PTPRT: variants seen among roughly 807,000 people sequenced by gnomAD.
PTPRT encodes protein tyrosine phosphatase receptor type T, also known as receptor-type tyrosine-protein phosphatase T.
In PTPRT, 56 loss-of-function variants were observed where a neutral mutation model predicts 176.8. The ratio of observed to expected loss-of-function variants is 0.32; its 90% CI spans 0.26 to 0.40. The LOEUF (loss-of-function observed/expected upper bound fraction) is 0.40. Among genes scored for constraint, PTPRT ranks in the 10% least tolerant of loss-of-function variants. The pLI, the probability that PTPRT is intolerant of heterozygous loss-of-function variation, is 1.00. For missense variants in PTPRT, 1,540 were observed against 1,908.2 expected (o/e 0.81, Z 3.60); for synonymous variants, 783 against 739.0 (o/e 1.06, Z -0.96).
At position 42,922,797 on chromosome 20, in the gene PTPRT, G is replaced by T. The variant is rs12625584; in HGVS notation, c.89-36865C>A. On this transcript the variant is annotated intron_variant, in intron 1 of 30. Coordinates refer to ENST00000373187, the MANE Select transcript of PTPRT (RefSeq NM_007050.6). ...TAGATTAGCTGAGGGTCACTCAAACGCACTGTAGTCTGTAATGCCCTTCAT... is the reference window on the plus strand; with the variant it reads ...TAGATTAGCTGAGGGTCACTCAAACTCACTGTAGTCTGTAATGCCCTTCAT... Among the ~76,000 whole-genome samples, 187 of 152,170 alleles carry T rather than the reference G, an allele frequency of 1.2e-3. 2 individuals carry two copies. In the East Asian group the frequency reaches 0.033, roughly 27 times the overall value.
intron 7 of PTPRT, among the ~76,000 whole-genome samples, chr20:42,662,565 C>T (rs2075242531): frequency 6.6e-6 from 1 of 152,072 alleles, no homozygotes; most frequent in Non-Finnish European, 1.5e-5. Flanking sequence ...ATATTAATGA[C>T]CTGTATTTCT....
At chr20:42,391,458 C>A (rs115318253) in intron 9 of PTPRT, among the ~76,000 whole-genome samples, 1 of 152,068 alleles carries the variant, frequency 6.6e-6, no homozygotes, top group East Asian at 1.9e-4. Flanking sequence ...AATGTCCTGG[C>A]GGCCAAACTT....
intron 12 of PTPRT, among the ~76,000 whole-genome samples, chr20:42,297,361 A>C (rs2057402280): frequency 6.6e-6 from 1 of 152,214 alleles, no homozygotes; most frequent in Non-Finnish European, 1.5e-5. Context: ...TGTATAAAGA[A>C]AACTTTACAG....
intron 1 of PTPRT, among the ~76,000 whole-genome samples, chr20:42,994,029 A>G (rs1441280944): frequency 6.6e-6 from 1 of 152,148 alleles, no homozygotes; most frequent in Admixed American, 6.5e-5. Context: ...AAGTAACGGG[A>G]ATAGTAGAAA....
intron 7 of PTPRT, among the ~76,000 whole-genome samples, chr20:42,506,836 C>T (rs189546001): frequency 2.6e-5 from 4 of 152,272 alleles, no homozygotes; most frequent in Admixed American, 2.6e-4. Flanking sequence ...CTGGGATCCT[C>T]AGTGAGTCTA....
At chr20:43,070,575 C>T (rs1464674004) in intron 1 of PTPRT, among the ~76,000 whole-genome samples, 1 of 152,124 alleles carries the variant, frequency 6.6e-6, no homozygotes, top group African/African-American at 2.4e-5. Context: ...GGAACCAATC[C>T]AAATGTCCAT....
At chr20:42,040,118 G>A in the PTPRT span, among the ~76,000 whole-genome samples, 1 of 151,598 alleles carries the variant, frequency 6.6e-6, no homozygotes, top group Admixed American at 6.6e-5. Context: ...CTCTTGTCTT[G>A]TTGCTAATAT....
At position 42,074,766 on chromosome 20, in the gene PTPRT, T is replaced by G. The variant is rs2146052091; in HGVS notation, c.*6113A>C. 1 of 398,624 alleles carries G rather than the reference T, an allele frequency of 2.5e-6. No individual in the cohort carries two copies. Among genetic ancestry groups the G allele is most frequent in the South Asian group, 1.3e-4 (1 of 7,850 alleles). 24.7% of individuals were successfully genotyped at this position (398,624 alleles called of 1,614,324 possible). On this transcript the variant is annotated 3_prime_UTR_variant, in exon 31 of 31. Transcript: ENST00000373187. ...ATTTCAGTTGGTGAATGCCCTTTGA[T>G]GACCTTTTCCCATCTCTTCTGGAGG...
intron 7 of PTPRT, among the ~76,000 whole-genome samples, chr20:42,545,909 T>C (rs2072665431): frequency 6.6e-6 from 1 of 152,222 alleles, no homozygotes; most frequent in Admixed American, 6.5e-5. Flanking sequence ...GTTTTAGATA[T>C]TGTTTATATC....
At chr20:43,115,581 A>G (rs1369851671) in intron 1 of PTPRT, among the ~76,000 whole-genome samples, 1 of 152,188 alleles carries the variant, frequency 6.6e-6, no homozygotes, top group Non-Finnish European at 1.5e-5. Context: ...GGAAGAGAAA[A>G]GTATTACCAG....
intron 7 of PTPRT, among the ~76,000 whole-genome samples, chr20:42,567,853 A>G (rs966436527): frequency 6.6e-6 from 1 of 152,176 alleles, no homozygotes; most frequent in African/African-American, 2.4e-5. Flanking sequence ...ACTTGGTCTC[A>G]TGATTCTGAC....
At position 42,448,237 on chromosome 20, in the gene PTPRT, C is replaced by G. The variant is rs767966403; in HGVS notation, c.1543G>C (p.Val515Leu). The change falls in exon 9 of 31, where the codon GTC becomes CTC. Residue 515 changes from valine to leucine, a missense_variant. Val to Leu is a conservative substitution (Grantham distance 32). Coordinates refer to ENST00000373187, the MANE Select transcript of PTPRT (RefSeq NM_007050.6). The stretch of plus-strand genomic sequence containing the variant: ...CTCCTTACCTCGTAGAGCGTGATGA[C>G]CCCATTGGTCTCATTGGGAGGTTTC... ...QWKPPNETNGVITLYEINYKA... is the reference protein window; with the variant it reads ...QWKPPNETNGLITLYEINYKA... 6.2e-7 allele frequency: 1 copy of G among 1,610,440 alleles called. No individual in the cohort carries two copies. The highest frequency in any genetic ancestry group is 1.3e-5 in the African/African-American group (1 of 74,830).
chr20:42,515,677 T>G (rs561688212), intron 7 of PTPRT, among the ~76,000 whole-genome samples: 48 of 152,322 alleles, frequency 3.2e-4, no homozygotes, highest in Middle Eastern at 3.4e-3. Flanking sequence ...TACAGTTTTT[T>G]AAATTTTCAA....
chr20:43,056,828 C>T (rs1468970275), intron 1 of PTPRT, among the ~76,000 whole-genome samples: 1 of 152,106 alleles, frequency 6.6e-6, no homozygotes, highest in Non-Finnish European at 1.5e-5. Flanking sequence ...TTAATTGTTC[C>T]AGGTTTCTGA....
chr20:43,119,213 T>C (rs2013166991), intron 1 of PTPRT, among the ~76,000 whole-genome samples: 1 of 152,212 alleles, frequency 6.6e-6, no homozygotes, highest in Non-Finnish European at 1.5e-5. Context: ...TTATATTAAA[T>C]GTATAAAAAG....
At chr20:43,070,969 A>T (rs1285820252) in intron 1 of PTPRT, among the ~76,000 whole-genome samples, 12 of 45,782 alleles carry the variant, frequency 2.6e-4, no homozygotes, top group African/African-American at 5.9e-4. Flanking sequence ...AAGTATAATT[A>T]AAAAAAAAAA....
chr20:42,908,117 C>T (rs952382675), intron 1 of PTPRT, among the ~76,000 whole-genome samples: 7 of 152,080 alleles, frequency 4.6e-5, no homozygotes, highest in African/African-American at 1.7e-4. Flanking sequence ...AGAAGCAAAG[C>T]TCACATCCCA....
Position 42,315,710 on chromosome 20 carries a change from TG to T in PTPRT, c.2139+12del. On this transcript the variant is annotated intron_variant, in intron 12 of 30. Transcript: ENST00000373187. ...AACAAGGCAAGGAATGGCCTCCATG[TG>T]GCCATACTTACTCCATTGGCTTTGC... The T allele has an allele frequency of 6.2e-7, 1 of 1,608,762 alleles. No individual in the cohort carries two copies. Among genetic ancestry groups the T allele is most frequent in the Non-Finnish European group, 8.5e-7 (1 of 1,175,454 alleles).
At chr20:42,876,241 T>C (rs759885225) in intron 2 of PTPRT, among the ~76,000 whole-genome samples, 5 of 152,282 alleles carry the variant, frequency 3.3e-5, no homozygotes, top group Non-Finnish European at 5.9e-5. Flanking sequence ...AATTGCTAAA[T>C]GGGAACATAA....
Sources: allele counts gnomAD v4.1 joint callset (sites outside exome capture counted in the v4.1 genomes callset), GRCh38; gene constraint gnomAD v4.1.1; transcripts MANE v1.5; gene names NCBI Gene and HGNC (gene_info 2026-07-23, HGNC 2026-07-21).